KTN1: variants seen among roughly 807,000 people sequenced by gnomAD.
KTN1 encodes the protein kinectin.
In KTN1, 130 loss-of-function variants were observed where a neutral mutation model predicts 222.5. That is an observed-to-expected ratio of 0.58 (90% CI 0.51 to 0.68). The LOEUF is 0.68. Among genes scored for constraint, KTN1 ranks in the 30% least tolerant of loss-of-function variants. The pLI is 0.00. For synonymous variants in KTN1, 512 were observed against 496.3 expected (o/e 1.03, Z -0.42); for missense variants, 1,508 against 1,500.4 (o/e 1.01, Z -0.08).
At chr14:55,652,695 G>A (rs11158047) in intron 25 of KTN1, among the ~76,000 whole-genome samples, 155 bp from the exon 26 acceptor site, 151,973 of 152,352 alleles carry the variant, frequency 1, 75,800 homozygotes, top group Middle Eastern at 1. Flanking sequence ...CACTGCGCCT[G>A]GCCTTGTATG....
At chr14:55,657,321 G>A (rs1311740192) in intron 29 of KTN1, among the ~76,000 whole-genome samples, 1 of 150,612 alleles carries the variant, frequency 6.6e-6, no homozygotes, top group African/African-American at 2.4e-5. Flanking sequence ...GAGAAGTTAA[G>A]CATTTTTCGT....
intron 5 of KTN1, among the ~76,000 whole-genome samples, chr14:55,623,387 T>G (rs1218941031): frequency 6.6e-6 from 1 of 152,268 alleles, no homozygotes. Context: ...TATTTTTGTT[T>G]TTATTTTTTT....
In KTN1 at chr14:55,613,440, T is replaced by C. The variant is rs535223804; in HGVS notation, c.523+869T>C. On this transcript the variant is annotated intron_variant, in intron 2 of 43. Coordinates refer to ENST00000395314, the MANE Select transcript of KTN1 (RefSeq NM_001079521.2). ...AGTTTGTTTTATTTGAAAGGACTTG[T>C]ATGTACCATTAAGTCATTTGTGTGT... Among the ~76,000 whole-genome samples the C allele has an allele frequency of 2.0e-5, 3 of 152,176 alleles. No individual in the cohort carries two copies. In the South Asian group the frequency reaches 6.2e-4, roughly 32 times the overall value.
intron 24 of KTN1, 91 bp from the exon 25 acceptor site, chr14:55,651,799 A>T (rs2042952068): frequency 5.0e-6 from 4 of 797,156 alleles, no homozygotes; most frequent in East Asian, 2.7e-5. Context: ...TTTCTTTGTA[A>T]TTTGAAGTGT....
intron 1 of KTN1, among the ~76,000 whole-genome samples, chr14:55,592,426 A>T (rs1204508674): frequency 6.6e-6 from 1 of 152,224 alleles, no homozygotes; most frequent in Non-Finnish European, 1.5e-5. Flanking sequence ...TTTTAGAGTC[A>T]TAAGAAAATA....
At chr14:55,668,378 A>G (rs1180740773) in intron 34 of KTN1, 3 of 152,102 alleles carry the variant, frequency 2.0e-5, no homozygotes, top group Non-Finnish European at 4.4e-5. Flanking sequence ...AAAAACAAAA[A>G]CAAAACTTAG....
intron 5 of KTN1, among the ~76,000 whole-genome samples, chr14:55,624,745 T>C (rs1235568616): frequency 6.6e-6 from 1 of 151,922 alleles, no homozygotes; most frequent in Non-Finnish European, 1.5e-5. Flanking sequence ...AGCGAAGTGG[T>C]GGGAGGAACA....
chr14:55,665,018 G>C (rs977322794), intron 33 of KTN1, among the ~76,000 whole-genome samples: 1 of 150,460 alleles, frequency 6.6e-6, no homozygotes, highest in East Asian at 1.9e-4. Flanking sequence ...GCAAGTATAC[G>C]TTTGTAGTTA....
chr14:55,661,677 G>T, intron 32 of KTN1, 65 bp downstream of exon 32: 1 of 786,834 alleles, frequency 1.3e-6, no homozygotes, highest in Non-Finnish European at 2.0e-6. Flanking sequence ...ATATGGTTCA[G>T]GAATTTTTTT....
chr14:55,581,460 AGTGT>A (rs995384199), intron 1 of KTN1, among the ~76,000 whole-genome samples: 1 of 149,494 alleles, frequency 6.7e-6, no homozygotes. Context: ...TGTGTGTGTG[AGTGT>A]GTGTGTGTGA....
intron 43 of KTN1, chr14:55,680,739 C>A (rs1349039306): frequency 7.4e-7 from 1 of 1,357,238 alleles, no homozygotes. Context: ...AATGCTAATT[C>A]AGGTCAGTTA....
intron 18 of KTN1, among the ~76,000 whole-genome samples, chr14:55,646,466 TTTCCTTTCCTTTCCTTTCCTTTCCTTTCC>T (rs2042326701): frequency 3.8e-5 from 2 of 52,592 alleles, no homozygotes; most frequent in Admixed American, 2.0e-4. Flanking sequence ...TTCCTTTTCC[TTTCCTTTCCTTTCCTTTCCTTTCCTTTCC>T]TTTCCTTTCC....
chr14:55,600,964 G>T (rs1452296611), intron 1 of KTN1, among the ~76,000 whole-genome samples: 1 of 152,024 alleles, frequency 6.6e-6, no homozygotes. Context: ...GAGAAAATGG[G>T]CTGGTTTGGG....
Position 55,630,070 on chromosome 14 carries a change from T to C in KTN1, c.1194T>C (p.Tyr398=), listed in dbSNP as rs779059557. ...TTCAAAACAAAATACATGTCAGTTA[T>C]CAAGAGACTCAACAGATGCAGATGA... ...NVFQNKIHVS[Y]QETQQMQMKF... is the part of the protein sequence containing the mutation. Residue 398 remains tyrosine, a synonymous_variant, in exon 7 of 44, where the codon TAT becomes TAC. Transcript: ENST00000395314. The C allele has an allele frequency of 2.5e-6, 4 of 1,610,298 alleles. No homozygotes were observed. Among genetic ancestry groups the C allele is most frequent in the Non-Finnish European group, 3.4e-6 (4 of 1,177,148 alleles).
At chr14:55,594,503 T>G (rs1027738836) in intron 1 of KTN1, among the ~76,000 whole-genome samples, 1 of 151,776 alleles carries the variant, frequency 6.6e-6, no homozygotes, top group Admixed American at 6.6e-5. Flanking sequence ...GTAGAGTTTT[T>G]TTTTTTTTTT....
intron 5 of KTN1, among the ~76,000 whole-genome samples, chr14:55,619,586 G>A (rs1213210216): frequency 6.6e-6 from 1 of 152,190 alleles, no homozygotes; most frequent in Non-Finnish European, 1.5e-5. Flanking sequence ...ATAGTGGAAG[G>A]TGAAAGGCAC....
chr14:55,656,558 G>C (rs2043498506), intron 29 of KTN1, among the ~76,000 whole-genome samples: 1 of 151,982 alleles, frequency 6.6e-6, no homozygotes, highest in African/African-American at 2.4e-5. Flanking sequence ...TCCTCCTCCT[G>C]GGTTCAAGCC....
chr14:55,593,789 T>C (rs988070491), intron 1 of KTN1, among the ~76,000 whole-genome samples: 3 of 152,170 alleles, frequency 2.0e-5, no homozygotes, highest in Non-Finnish European at 4.4e-5. Context: ...GTTATAGCTC[T>C]GGATTTGCAG....
chr14:55,591,768 G>A (rs1011362585), intron 1 of KTN1, among the ~76,000 whole-genome samples: 8 of 151,656 alleles, frequency 5.3e-5, no homozygotes, highest in African/African-American at 1.7e-4. Flanking sequence ...TAGAGATAGG[G>A]TTTCTCCATG....
Sources: allele counts gnomAD v4.1 joint callset (sites outside exome capture counted in the v4.1 genomes callset), GRCh38; gene constraint gnomAD v4.1.1; transcripts MANE v1.5; gene names NCBI Gene and HGNC (gene_info 2026-07-23, HGNC 2026-07-21).